The following RFX4 variants were observed in gnomAD, a reference collection of about 807,000 sequenced individuals.
RFX4 encodes regulatory factor X4.
In RFX4, 10 loss-of-function variants were observed where a neutral mutation model predicts 95.0. The observed-to-expected ratio is 0.11, with a 90% CI of 0.06 to 0.18. The LOEUF is 0.18. Ranked by LOEUF, RFX4 falls within the 10% of genes least tolerant of loss-of-function variation. RFX4 has a pLI of 1.00. For missense variants in RFX4, 640 were observed against 922.0 expected (o/e 0.69, Z 3.96); for synonymous variants, 321 against 340.7 (o/e 0.94, Z 0.64).
chr12:106,747,147 T>C lies in RFX4; in HGVS notation c.1634-290T>C, dbSNP rs546609175. ...TTAGGAAGAGGACAGCTTTTTGGAC[T>C]GTGAGAGGAAGAATGAGTGGGTAAT... On this transcript the variant is annotated intron_variant, in intron 15 of 17. Coordinates refer to ENST00000392842, the MANE Select transcript of RFX4 (RefSeq NM_213594.3). Among the ~76,000 whole-genome samples the C allele has an allele frequency of 2.0e-5, 3 of 152,094 alleles. No individual in the cohort carries two copies. In the South Asian group the frequency reaches 6.2e-4, roughly 32 times the overall value.
At chr12:106,669,240 C>T (rs2041235169) in intron 4 of RFX4, among the ~76,000 whole-genome samples, 1 of 152,186 alleles carries the variant, frequency 6.6e-6, no homozygotes, top group Non-Finnish European at 1.5e-5. Flanking sequence ...CTCCCCCACA[C>T]TGGATCCAGT....
chr12:106,583,298 C>T lies in RFX4; in HGVS notation c.-23C>T, dbSNP rs770992465. 1.3e-6 allele frequency: 2 copies of T among 1,571,492 alleles called. No individual in the cohort carries two copies. Among genetic ancestry groups the T allele is most frequent in the African/African-American group, 1.4e-5 (1 of 71,898 alleles). ...CAAACATCAGGACTTTTGGGGGGCG[C>T]CTGTGCTGTCCATGGGAAGAGCATG... is the stretch of plus-strand genomic sequence containing the variant. On this transcript the variant is annotated 5_prime_UTR_variant, in exon 1 of 18. Transcript: ENST00000392842.
At chr12:106,732,301 C>A in intron 14 of RFX4, 52 bp downstream of exon 14, 1 of 1,604,120 alleles carries the variant, frequency 6.2e-7, no homozygotes, top group Admixed American at 1.7e-5. Flanking sequence ...TTATTTGTAT[C>A]CTTACTTCTG....
rs2042147813 is a variant in RFX4, at chr12:106,709,231, C to A, written c.834-99C>A. The A allele has an allele frequency of 3.3e-6, 3 of 896,004 alleles. No homozygotes were observed. In the South Asian group the frequency reaches 4.6e-5, roughly 14 times the overall value. 55.5% of individuals were successfully genotyped at this position (896,004 alleles called of 1,614,324 possible). A position where few individuals can be genotyped will look rare whatever the true frequency, so the allele number is the denominator to read the frequency against. On this transcript the variant is annotated intron_variant, in intron 8 of 17. Transcript: ENST00000392842. ...TATTACAAATGGCACCTATTGGTAG[C>A]AGCCAAAACATGATTAGGGGAAATA...
chr12:106,750,917 A>G, intron 17 of RFX4, 124 bp downstream of exon 17: 1 of 671,582 alleles, frequency 1.5e-6, no homozygotes, highest in Admixed American at 4.4e-5. Context: ...AGGAGAGGAC[A>G]GTCTTTATTT....
At chr12:106,635,447 G>T (rs890291375) in intron 2 of RFX4, among the ~76,000 whole-genome samples, 19 of 151,890 alleles carry the variant, frequency 1.3e-4, no homozygotes, top group Non-Finnish European at 2.2e-4. Flanking sequence ...CGAGTAGCTG[G>T]GATTACAGGT....
intron 2 of RFX4, among the ~76,000 whole-genome samples, chr12:106,636,059 G>C (rs148115347): frequency 1.3e-5 from 2 of 152,266 alleles, no homozygotes; most frequent in African/African-American, 4.8e-5. Context: ...GCTAGGTCCT[G>C]CAGGAGGTAA....
At chr12:106,698,518 T>C (rs2041926507) in intron 8 of RFX4, among the ~76,000 whole-genome samples, 4 of 152,136 alleles carry the variant, frequency 2.6e-5, no homozygotes, top group Admixed American at 2.6e-4. Context: ...TTTTAAAAAA[T>C]ATGTTGCTAG....
intron 1 of RFX4, chr12:106,601,165 C>A: frequency 6.7e-7 from 1 of 1,490,124 alleles, no homozygotes; most frequent in Non-Finnish European, 9.0e-7. Context: ...TGACCTGAGC[C>A]ACCCCCTGGA....
At chr12:106,672,364 T>A (rs2137371151) in intron 4 of RFX4, among the ~76,000 whole-genome samples, 1 of 152,276 alleles carries the variant, frequency 6.6e-6, no homozygotes, top group East Asian at 1.9e-4. Flanking sequence ...CAGCTCTGTC[T>A]GCCCAGGCTG....
In RFX4 at chr12:106,654,333, T is replaced by A; in HGVS notation, c.297T>A (p.Asn99Lys). Residue 99 changes from asparagine to lysine, a missense_variant, in exon 4 of 18, where the codon AAT (asparagine) becomes AAA (lysine). Coordinates refer to ENST00000392842, the MANE Select transcript of RFX4 (RefSeq NM_213594.3). ...FCEKNDTQPV[N>K]AASFGKIIRQ... The stretch of plus-strand genomic sequence containing the variant: ...AGAAGAATGATACCCAACCTGTCAA[T>A]GCTGCCAGCTTTGGAAAGGTGAGTC... The A allele has an allele frequency of 6.2e-7, 1 of 1,614,002 alleles. No individual in the cohort carries two copies. The highest frequency in any genetic ancestry group is 8.5e-7 in the Non-Finnish European group (1 of 1,179,928).
intron 4 of RFX4, among the ~76,000 whole-genome samples, chr12:106,665,836 A>G (rs2041165571): frequency 6.6e-6 from 1 of 152,008 alleles, no homozygotes. Flanking sequence ...ATACTTATGT[A>G]TGTGTTTTAA....
intron 2 of RFX4, among the ~76,000 whole-genome samples, chr12:106,628,309 A>T (rs2040345778): frequency 6.6e-6 from 1 of 152,158 alleles, no homozygotes; most frequent in Non-Finnish European, 1.5e-5. Flanking sequence ...GGGCCAAAAT[A>T]CTTGAGGGGA....
chr12:106,670,402 T>C lies in RFX4; in HGVS notation c.316-11591T>C, dbSNP rs138604846. Among the ~76,000 whole-genome samples the C allele has an allele frequency of 2.5e-3, 374 of 152,346 alleles. 1 individual carries two copies. Among genetic ancestry groups the C allele is most frequent in the African/African-American group, 8.2e-3 (340 of 41,580 alleles). ...CACGTGACACATTATCCAGTCACCC[T>C]GAGGACAATGAGGTGTTCACATATG... On this transcript the variant is annotated intron_variant, in intron 4 of 17. Coordinates refer to ENST00000392842, the MANE Select transcript of RFX4 (RefSeq NM_213594.3).
chr12:106,654,098 C>T (rs2040909532), intron 3 of RFX4, 130 bp from the exon 4 acceptor site: 16 of 1,269,704 alleles, frequency 1.3e-5, no homozygotes, highest in Middle Eastern at 2.7e-4. Context: ...TTCCTGGGCC[C>T]CAGCTTCTCC....
chr12:106,594,562 C>T (rs546503904), intron 1 of RFX4, among the ~76,000 whole-genome samples: 1 of 152,310 alleles, frequency 6.6e-6, no homozygotes, highest in South Asian at 2.1e-4. Context: ...GGGGCATTCT[C>T]GCCTCGGCTG....
intron 1 of RFX4, among the ~76,000 whole-genome samples, chr12:106,602,139 C>A (rs899452602): frequency 2.0e-5 from 3 of 152,250 alleles, no homozygotes; most frequent in Admixed American, 2.0e-4. Flanking sequence ...CATCAACTAG[C>A]TTCTCTGGAT....
intron 8 of RFX4, among the ~76,000 whole-genome samples, chr12:106,701,299 G>A (rs991167976): frequency 9.9e-5 from 15 of 152,030 alleles, no homozygotes; most frequent in African/African-American, 3.6e-4. Flanking sequence ...CTCTGTCTTT[G>A]GTTTTTCAGT....
intron 17 of RFX4, among the ~76,000 whole-genome samples, chr12:106,756,564 GA>G (rs66999948): frequency 0.47 from 69,204 of 148,392 alleles, 16,516 homozygotes; most frequent in African/African-American, 0.61. Flanking sequence ...GGGCCAAAAA[GA>G]AAAAAAAAAA....
Sources: gnomAD v4.1 joint callset for allele counts (sites outside exome capture counted in the v4.1 genomes callset) on GRCh38, gnomAD v4.1.1 for gene constraint, MANE v1.5 for transcripts, NCBI Gene and HGNC (gene_info 2026-07-23, HGNC 2026-07-21) for gene names.